Variants in CREB3L4 observed in about 807,000 individuals in gnomAD.
CREB3L4 encodes the protein cyclic AMP-responsive element-binding protein 3-like protein 4.
A neutral mutation model predicts 37.0 loss-of-function variants in CREB3L4; 28 were observed. The observed-to-expected ratio is 0.76, with a 90% confidence interval of 0.56 to 1.04. CREB3L4 has a LOEUF of 1.04. Among genes scored for constraint, CREB3L4 ranks in the 50% least tolerant of loss-of-function variants. The pLI is 0.00. For missense variants in CREB3L4, 462 were observed against 486.0 expected, an observed-to-expected ratio of 0.95 and a Z score of 0.46; for synonymous variants, 175 against 192.2, an observed-to-expected ratio of 0.91 and a Z score of 0.74.
Position 153,968,519 on chromosome 1 carries a change from C to G in CREB3L4, c.-4-3C>G, listed in dbSNP as rs1321054003. On this transcript the variant is annotated splice_region_variant and splice_polypyrimidine_tract_variant and intron_variant, in intron 1 of 9. Transcript: ENST00000368607. Reference sequence around the variant, plus strand: ...ACCCTCCGTCCCACACGCCTTCCTGCAGAAGCATGGATCTCGGAATCCCTG... The same window carrying G: ...ACCCTCCGTCCCACACGCCTTCCTGGAGAAGCATGGATCTCGGAATCCCTG... 1.2e-5 allele frequency: 20 copies of G among 1,611,764 alleles called. No homozygotes were observed. Among genetic ancestry groups the G allele is most frequent in the Non-Finnish European group, 1.4e-5 (16 of 1,178,664 alleles).
chr1:153,971,152 G>A (rs1571112258), intron 4 of CREB3L4, among the ~76,000 whole-genome samples: 1 of 147,966 alleles, frequency 6.8e-6, no homozygotes, highest in South Asian at 2.3e-4. Flanking sequence ...GGCGGATCAC[G>A]AGGTCAGGAG....
At chr1:153,971,156 T>A (rs1648330358) in intron 4 of CREB3L4, among the ~76,000 whole-genome samples, 1 of 146,286 alleles carries the variant, frequency 6.8e-6, no homozygotes, top group Non-Finnish European at 1.5e-5. Context: ...GATCACGAGG[T>A]CAGGAGTTCG....
At chr1:153,973,572 T>G in intron 8 of CREB3L4, 48 bp from the exon 9 acceptor site, 1 of 1,581,182 alleles carries the variant, frequency 6.3e-7, no homozygotes, top group Non-Finnish European at 8.7e-7. Flanking sequence ...TGGCCTCCGT[T>G]CACTCTACCC....
chr1:153,968,261 GGA>G, intron 1 of CREB3L4, 97 bp downstream of exon 1: 1 of 363,154 alleles, frequency 2.8e-6, no homozygotes, highest in Non-Finnish European at 5.0e-6. Context: ...TAGTGTTTGG[GGA>G]GGTCAACGGG....
chr1:153,968,888 A>T, intron 2 of CREB3L4, 42 bp from the exon 3 acceptor site: 3 of 1,558,550 alleles, frequency 1.9e-6, no homozygotes, highest in Non-Finnish European at 2.6e-6. Context: ...AGGACTTCCA[A>T]AATTCTTCCC....
intron 1 of CREB3L4, 74 bp from the exon 2 acceptor site, chr1:153,968,448 C>G (rs1647977571): frequency 1.4e-6 from 2 of 1,409,762 alleles, no homozygotes; most frequent in Non-Finnish European, 2.0e-6. Flanking sequence ...GCAGAGGAGC[C>G]CAGAAACTGT....
chr1:153,968,553 G>C lies in CREB3L4; in HGVS notation c.28G>C (p.Asp10His). 1 of 1,613,976 alleles carries C rather than the reference G, an allele frequency of 6.2e-7. No homozygotes were observed. Among genetic ancestry groups the C allele is most frequent in the Non-Finnish European group, 8.5e-7 (1 of 1,179,930 alleles). Residue 10 changes from aspartate (D) to histidine (H), a missense_variant, in exon 2 of 10, where the codon GAC becomes CAC. Physicochemically the swap from Asp to His is moderately conservative, Grantham distance 81. Transcript: ENST00000368607. ...GGATCTCGGAATCCCTGACCTGCTG[G>C]ACGCGTGGCTGGAGCCCCCAGAGGA... MDLGIPDLLDAWLEPPEDIF... is the reference protein window; with the variant it reads MDLGIPDLLHAWLEPPEDIF...
intron 4 of CREB3L4, among the ~76,000 whole-genome samples, chr1:153,970,768 C>T (rs1648290869): frequency 1.1e-5 from 1 of 93,970 alleles, no homozygotes; most frequent in Admixed American, 1.5e-4. Flanking sequence ...TTTTTTTAGA[C>T]AGAGTCTCGC....
At chr1:153,972,648 C>G (rs557397944) in intron 4 of CREB3L4, 96 bp from the exon 5 acceptor site, 49 of 918,350 alleles carry the variant, frequency 5.3e-5, no homozygotes, top group South Asian at 3.1e-4. Flanking sequence ...TGAGGAAACA[C>G]TCTCCAGAAG....
rs1648602816 is a variant in CREB3L4, at chr1:153,973,444, C to T, written c.877C>T (p.Gln293Ter). 1 of 1,613,952 alleles carries T rather than the reference C, an allele frequency of 6.2e-7. No homozygotes were observed. The highest frequency in any genetic ancestry group is 1.3e-5 in the African/African-American group (1 of 74,892). ...LIAQTSNKAAQTSTCVLILLF... is the reference protein window; with the variant it reads ...LIAQTSNKAA ...TGCTCAAACTTCCAACAAAGCTGCC[C>T]AGACCAGCACTTGTGTTTTGGTACC... The change falls in exon 8 of 10, where the codon CAG becomes TAG. Residue 293 changes from glutamine to a stop codon, truncating the protein, a stop_gained. Transcript: ENST00000368607. LOFTEE classifies it high-confidence loss of function.
intron 2 of CREB3L4, 106 bp downstream of exon 2, chr1:153,968,805 T>C (rs1042504970): frequency 1.3e-6 from 2 of 1,532,106 alleles, no homozygotes; most frequent in East Asian, 2.3e-5. Context: ...ACCCCCAAAA[T>C]AGACGTAAGT....
rs145524837 is a variant in CREB3L4 at position 153,969,060 on chromosome 1, C to G, written c.305C>G (p.Pro102Arg). 2.2e-5 allele frequency: 35 copies of G among 1,614,094 alleles called. 2 individuals carry two copies. In the Middle Eastern group the frequency reaches 1.3e-3, roughly 61 times the overall value. ...SEDPCHPDSP[P>R]APRATSSPML... ...GACCCCTGCCATCCAGACAGTCCCCCTGCCCCCAGGGCAACCAGTTCTCCT... is the reference window on the plus strand; with the variant it reads ...GACCCCTGCCATCCAGACAGTCCCCGTGCCCCCAGGGCAACCAGTTCTCCT... Residue 102 changes from proline (P) to arginine (R), a missense_variant, in exon 3 of 10, where the codon CCT becomes CGT. Transcript: ENST00000368607.
chr1:153,971,581 CTTTTTCTTTTTTT>C (rs1648377236), intron 4 of CREB3L4, among the ~76,000 whole-genome samples: 1 of 113,666 alleles, frequency 8.8e-6, no homozygotes, highest in Non-Finnish European at 1.9e-5. Flanking sequence ...TTTTCTTTTT[CTTTTTCTTTTTTT>C]TTTTTTTTTT....
intron 1 of CREB3L4, 141 bp downstream of exon 1, chr1:153,968,305 G>C: frequency 1.9e-6 from 1 of 526,752 alleles, no homozygotes; most frequent in Non-Finnish European, 3.4e-6. Flanking sequence ...GGGCTCTTCA[G>C]AACAGGTAAT....
At chr1:153,970,255 G>C (rs1167321858) in intron 4 of CREB3L4, among the ~76,000 whole-genome samples, 1 of 152,116 alleles carries the variant, frequency 6.6e-6, no homozygotes, top group Non-Finnish European at 1.5e-5. Flanking sequence ...AAGCAGGGAA[G>C]GACAAGGGAG....
rs376891040 is a variant in CREB3L4 at position 153,973,186 on chromosome 1, A to G, written c.744-9A>G. 1.1e-4 allele frequency: 180 copies of G among 1,613,900 alleles called. 3 individuals are homozygous for G. Among genetic ancestry groups the G allele is most frequent in the Non-Finnish European group, 7.7e-5 (91 of 1,179,968 alleles). On this transcript the variant is annotated splice_polypyrimidine_tract_variant and intron_variant, in intron 6 of 9. Transcript: ENST00000368607. ...TTGCTGAGCCTTGTCCTACCTCCCTACATTCTAGGGTGGCAGCCTGTTCTG... is the reference window on the plus strand; with the variant it reads ...TTGCTGAGCCTTGTCCTACCTCCCTGCATTCTAGGGTGGCAGCCTGTTCTG...
rs1648077363 is a variant in CREB3L4, at chr1:153,969,066, C to A, written c.311C>A (p.Pro104His). ...DPCHPDSPPA[P>H]RATSSPMLYE... is the part of the protein sequence containing the mutation. ...TGCCATCCAGACAGTCCCCCTGCCCCCAGGGCAACCAGTTCTCCTATGCTC... is the reference window on the plus strand; with the variant it reads ...TGCCATCCAGACAGTCCCCCTGCCCACAGGGCAACCAGTTCTCCTATGCTC... Residue 104 changes from proline (P) to histidine (H), a missense_variant, in exon 3 of 10, where the codon CCC (proline) becomes CAC (histidine). Physicochemically the swap from Pro to His is moderately conservative, Grantham distance 77 (BLOSUM62 -2). Coordinates refer to ENST00000368607, the MANE Select transcript of CREB3L4 (RefSeq NM_001255978.2). The A allele has an allele frequency of 6.2e-7, 1 of 1,614,180 alleles. No homozygotes were observed. Among genetic ancestry groups the A allele is most frequent in the East Asian group, 2.2e-5 (1 of 44,884 alleles).
rs1207455240 is a variant in CREB3L4 at position 153,969,012 on chromosome 1, G to C, written c.257G>C (p.Gly86Ala). The C allele has an allele frequency of 6.2e-7, 1 of 1,614,070 alleles. No homozygotes were observed. The highest frequency in any genetic ancestry group is 1.7e-5 in the Admixed American group (1 of 60,006). ...GTGTACTGCTCAGAAGCATCTCCTG[G>C]CAGTGACAGTGGCATCTCTGAGGAC... is the stretch of plus-strand genomic sequence containing the variant. ...NEVYCSEASP[G>A]SDSGISEDPC... The change falls in exon 3 of 10, where the codon GGC (glycine) becomes GCC (alanine). Residue 86 changes from glycine to alanine, a missense_variant. Physicochemically the swap from Gly to Ala is moderately conservative, Grantham distance 60. Transcript: ENST00000368607.
intron 3 of CREB3L4, 59 bp downstream of exon 3, chr1:153,969,235 G>T: frequency 6.2e-7 from 1 of 1,613,980 alleles, no homozygotes; most frequent in Non-Finnish European, 8.5e-7. Context: ...TAACCATGGG[G>T]TTAAGGGGGT....
Sources: gnomAD v4.1 joint callset for allele counts (sites outside exome capture counted in the v4.1 genomes callset) on GRCh38, gnomAD v4.1.1 for gene constraint, MANE v1.5 for transcripts, NCBI Gene and HGNC (gene_info 2026-07-23, HGNC 2026-07-21) for gene names.